The following DOCK10 variants were observed in gnomAD, a reference collection of about 807,000 sequenced individuals.
The protein encoded by DOCK10 is dedicator of cytokinesis protein 10.
Under a neutral mutation model 280.1 loss-of-function variants are expected in DOCK10, and 145 were observed. The ratio of observed to expected loss-of-function variants is 0.52; its 90% confidence interval spans 0.45 to 0.59. DOCK10 has a LOEUF of 0.59. Ranked by LOEUF, DOCK10 falls within the 20% of genes least tolerant of loss-of-function variation. The pLI, the probability that DOCK10 is intolerant of heterozygous loss-of-function variation, is 0.00. For missense variants in DOCK10, 2,368 were observed against 2,651.7 expected (o/e 0.89, Z 2.35); for synonymous variants, 915 against 942.2 (o/e 0.97, Z 0.53).
chr2:224,965,908 C>CA (rs1704712560), intron 1 of DOCK10, among the ~76,000 whole-genome samples: 1 of 152,158 alleles, frequency 6.6e-6, no homozygotes, highest in South Asian at 2.1e-4. Flanking sequence ...GAATAAATTT[C>CA]AATTCAACCA....
chr2:224,946,324 A>G (rs538351702), intron 1 of DOCK10, among the ~76,000 whole-genome samples: 8 of 152,342 alleles, frequency 5.3e-5, no homozygotes, highest in African/African-American at 1.7e-4. Context: ...CTTTAAAAGT[A>G]TCACTTTTTA....
At chr2:225,004,219 C>A (rs998279979) in intron 1 of DOCK10, among the ~76,000 whole-genome samples, 6 of 152,178 alleles carry the variant, frequency 3.9e-5, no homozygotes, top group Non-Finnish European at 5.9e-5. Context: ...ATTATTTAAG[C>A]TGGCCGTAAA....
In DOCK10 at chr2:225,003,712, C is replaced by A. The variant is rs150289526; in HGVS notation, c.123+38540G>T. Among the ~76,000 whole-genome samples, 85 of 152,296 alleles carry A rather than the reference C, an allele frequency of 5.6e-4. 1 individual carries two copies. In the South Asian group the frequency reaches 0.012, roughly 21 times the overall value. On this transcript the variant is annotated intron_variant, in intron 1 of 55. Transcript: ENST00000258390. ...TTGATGTTTCATTAGCATCCCTGAT[C>A]CCTAATGGCCATCCTATCTCTTAAA...
rs1690041633 is a variant in DOCK10, at chr2:224,765,666, A to G, written c.*55T>C. The G allele has an allele frequency of 8.0e-7, 1 of 1,249,456 alleles. No homozygotes were observed. The allele number at this position is 1,249,456 out of a possible 1,614,324, so 77.4% of individuals were successfully genotyped here. A position where few individuals can be genotyped will look rare whatever the true frequency, so the allele number is the denominator to read the frequency against. On this transcript the variant is annotated 3_prime_UTR_variant, in exon 56 of 56. Coordinates refer to ENST00000258390, the MANE Select transcript of DOCK10 (RefSeq NM_014689.3). ...TAAACCTATCTTTCTCTTCCCCGAG[A>G]TTAGCTGCAAATTCAGAAAGTTCTC...
In DOCK10 at chr2:224,813,258, C is replaced by T. The variant is rs147566515; in HGVS notation, c.3409+1062G>A. Among the ~76,000 whole-genome samples the T allele has an allele frequency of 2.8e-3, 419 of 152,292 alleles. 3 individuals are homozygous for T. Among genetic ancestry groups the T allele is most frequent in the Non-Finnish European group, 5.0e-3 (341 of 68,028 alleles). On this transcript the variant is annotated intron_variant, in intron 31 of 55. Transcript: ENST00000258390. ...TTGTCCAGGCTGGAGTGCAGTGGCA[C>T]GATCTTGGCTCACTGTAACCTCTGC...
chr2:225,037,340 G>A (rs1186847710), intron 1 of DOCK10, among the ~76,000 whole-genome samples: 1 of 152,094 alleles, frequency 6.6e-6, no homozygotes, highest in African/African-American at 2.4e-5. Flanking sequence ...TATCCTCAGG[G>A]GAACACTGGA....
At chr2:225,002,089 G>T (rs1706446105) in intron 1 of DOCK10, among the ~76,000 whole-genome samples, 1 of 152,144 alleles carries the variant, frequency 6.6e-6, no homozygotes. Flanking sequence ...TATTTGACCT[G>T]GGCCGTGAAG....
intron 1 of DOCK10, among the ~76,000 whole-genome samples, chr2:224,949,785 C>T (rs1703626348): frequency 6.6e-6 from 1 of 152,226 alleles, no homozygotes; most frequent in African/African-American, 2.4e-5. Context: ...ATAGCATAGT[C>T]ACTACCTTAT....
chr2:224,892,441 G>GAAAAGAA (rs1182220284), intron 4 of DOCK10, among the ~76,000 whole-genome samples: 2 of 136,394 alleles, frequency 1.5e-5, no homozygotes, highest in Non-Finnish European at 3.2e-5. Flanking sequence ...GAAAAGAAAA[G>GAAAAGAA]AAAAGAAAAA....
intron 30 of DOCK10, among the ~76,000 whole-genome samples, chr2:224,815,552 A>C (rs934672885): frequency 2.6e-5 from 4 of 152,104 alleles, no homozygotes; most frequent in African/African-American, 7.2e-5. Context: ...TTTTCTATGA[A>C]ATATGCTTCA....
intron 1 of DOCK10, among the ~76,000 whole-genome samples, chr2:225,020,380 T>C (rs752387799): frequency 2.8e-4 from 42 of 152,162 alleles, no homozygotes; most frequent in Non-Finnish European, 5.4e-4. Flanking sequence ...AACACACTGG[T>C]GAAGCAGTAG....
intron 1 of DOCK10, among the ~76,000 whole-genome samples, chr2:225,001,932 T>G (rs897832687): frequency 1.1e-4 from 16 of 152,236 alleles, no homozygotes; most frequent in African/African-American, 3.6e-4. Flanking sequence ...AGGCCCCACC[T>G]CCTAATACCA....
At chr2:225,023,654 A>G (rs564588577) in intron 1 of DOCK10, among the ~76,000 whole-genome samples, 1 of 152,222 alleles carries the variant, frequency 6.6e-6, no homozygotes, top group Admixed American at 6.5e-5. Context: ...CAGTATTTCT[A>G]AAGTTGAAGC....
intron 3 of DOCK10, among the ~76,000 whole-genome samples, chr2:224,915,193 C>T (rs992229902): frequency 2.0e-5 from 3 of 149,864 alleles, no homozygotes; most frequent in African/African-American, 7.3e-5. Context: ...ATATTTATTG[C>T]AGACCTGGTT....
chr2:224,787,957 C>T (rs1463941952), intron 48 of DOCK10, among the ~76,000 whole-genome samples: 2 of 152,144 alleles, frequency 1.3e-5, no homozygotes, highest in African/African-American at 2.4e-5. Flanking sequence ...CTCTGACCTC[C>T]ATACTTTTAT....
At chr2:224,842,959 G>A (rs1696064292) in intron 22 of DOCK10, among the ~76,000 whole-genome samples, 1 of 152,206 alleles carries the variant, frequency 6.6e-6, no homozygotes, top group African/African-American at 2.4e-5. Context: ...GCTTCTTAGA[G>A]GAAGTGACAA....
At chr2:224,854,817 G>GAAA in intron 16 of DOCK10, 146 bp downstream of exon 16, 6 of 523,236 alleles carry the variant, frequency 1.1e-5, no homozygotes, top group South Asian at 2.3e-5. Context: ...CAACTTTTGG[G>GAAA]AAAAAAAAAA....
At chr2:224,804,744 A>G in intron 38 of DOCK10, 50 bp downstream of exon 38, 2 of 1,203,598 alleles carry the variant, frequency 1.7e-6, no homozygotes, top group Non-Finnish European at 2.3e-6. Flanking sequence ...AATACATGTC[A>G]TATGCTTTTT....
chr2:225,023,138 C>G (rs144467447), intron 1 of DOCK10, among the ~76,000 whole-genome samples: 1 of 151,958 alleles, frequency 6.6e-6, no homozygotes, highest in Non-Finnish European at 1.5e-5. Context: ...CAGGTTCAAG[C>G]GATTCTCCTG....
Sources: gnomAD v4.1 joint callset for allele counts (sites outside exome capture counted in the v4.1 genomes callset) on GRCh38, gnomAD v4.1.1 for gene constraint, MANE v1.5 for transcripts, NCBI Gene and HGNC (gene_info 2026-07-23, HGNC 2026-07-21) for gene names.